FRRS1: variants seen among roughly 807,000 people sequenced by gnomAD.
The protein encoded by FRRS1 is ferric reductase 1.
A neutral mutation model predicts 70.7 loss-of-function variants in FRRS1; 51 were observed. The ratio of observed to expected loss-of-function variants is 0.72; its 90% CI spans 0.58 to 0.91. The LOEUF is 0.91. Among genes scored for constraint, FRRS1 ranks in the 40% least tolerant of loss-of-function variants. The pLI is 0.00. For missense variants in FRRS1, 672 were observed against 726.0 expected, an observed-to-expected ratio of 0.93 and a Z score of 0.86; for synonymous variants, 225 against 238.7, an observed-to-expected ratio of 0.94 and a Z score of 0.53.
chr1:99,754,123 A>G (rs1656710071), intron 1 of FRRS1, among the ~76,000 whole-genome samples: 1 of 152,230 alleles, frequency 6.6e-6, no homozygotes, highest in South Asian at 2.1e-4. Flanking sequence ...TAAGTGAGGC[A>G]AAAACTATTA....
chr1:99,719,070 CAA>C (rs57652002), intron 10 of FRRS1, among the ~76,000 whole-genome samples: 55,720 of 147,366 alleles, frequency 0.38, 10,861 homozygotes, highest in South Asian at 0.5. Context: ...ACAGCTGTGT[CAA>C]AAAAAAAAAA....
At chr1:99,719,749 G>A in intron 9 of FRRS1, 102 bp from the exon 10 acceptor site, 1 of 636,466 alleles carries the variant, frequency 1.6e-6, no homozygotes, top group South Asian at 1.9e-5. Context: ...AATTTCTTAA[G>A]GTAATAAAAA....
Position 99,742,255 on chromosome 1 carries a change from T to C in FRRS1, c.352A>G (p.Arg118Gly). Residue 118 changes from arginine to glycine, a missense_variant, in exon 5 of 17, where the codon AGA (arginine) becomes GGA (glycine). Coordinates refer to ENST00000646001, the MANE Select transcript of FRRS1 (RefSeq NM_001361041.2). The part of the protein sequence containing the change: ...EDIQGSAVSH[R>G]SASKKTEIKV... ...ATTTCTGTTTTTTTAGATGCACTTC[T>C]GTGACTCACTGCTGATCCCTGAAAT... The C allele has an allele frequency of 6.2e-7, 1 of 1,606,362 alleles. No homozygotes were observed. Among genetic ancestry groups the C allele is most frequent in the Non-Finnish European group, 8.5e-7 (1 of 1,172,952 alleles).
At chr1:99,735,406 G>T (rs904566007) in intron 7 of FRRS1, among the ~76,000 whole-genome samples, 1 of 152,054 alleles carries the variant, frequency 6.6e-6, no homozygotes, top group Non-Finnish European at 1.5e-5. Context: ...ATTGAAAAAG[G>T]GGTATAATTT....
At chr1:99,745,963 AAAGGCCATGAGGCCTCCCT>A (rs1276025716) in intron 4 of FRRS1, among the ~76,000 whole-genome samples, 1 of 150,958 alleles carries the variant, frequency 6.6e-6, no homozygotes, top group African/African-American at 2.5e-5. Context: ...GCCATGAGTA[AAAGGCCATGAGGCCTCCCT>A]AAGGCCTCCC....
chr1:99,747,080 T>C (rs1656311190), intron 4 of FRRS1, among the ~76,000 whole-genome samples: 1 of 147,302 alleles, frequency 6.8e-6, no homozygotes, highest in Non-Finnish European at 1.5e-5. Context: ...TTGTCTAGCT[T>C]ACTTTATTGT....
chr1:99,742,251 CT>C lies in FRRS1; in HGVS notation c.355del (p.Ser119ValfsTer25). The C allele has an allele frequency of 1.2e-6, 2 of 1,608,952 alleles. No homozygotes were observed. Among genetic ancestry groups the C allele is most frequent in the Non-Finnish European group, 8.5e-7 (1 of 1,175,370 alleles). Reference protein sequence around the residue: ...DIQGSAVSHRSASKKTEIKVY... With the variant: ...DIQGSAVSHRXASKKTEIKVY... ...TTTAATTTCTGTTTTTTTAGATGCA[CT>C]TCTGTGACTCACTGCTGATCCCTGA... On this transcript the variant is annotated frameshift_variant, in exon 5 of 17. Transcript: ENST00000646001. LOFTEE classifies it high-confidence loss of function.
rs528023929 is a variant in FRRS1 at position 99,763,279 on chromosome 1, A to T, written c.-106+3328T>A. ...ATTTTTCCCCTAAATGGGACCCCCT[A>T]TTTTTATATGGACAGGAATTTGGTT... On this transcript the variant is annotated intron_variant, in intron 1 of 16. Transcript: ENST00000646001. Among the ~76,000 whole-genome samples, 1,117 of 152,046 alleles carry T rather than the reference A, an allele frequency of 7.3e-3. 20 individuals are homozygous for T. Among genetic ancestry groups the T allele is most frequent in the African/African-American group, 0.026 (1,060 of 41,464 alleles).
chr1:99,752,941 G>A (rs1201673459), intron 1 of FRRS1, among the ~76,000 whole-genome samples: 1 of 151,970 alleles, frequency 6.6e-6, no homozygotes, highest in African/African-American at 2.4e-5. Context: ...TGGGCTCAAG[G>A]GAACCTCAAC....
intron 14 of FRRS1, chr1:99,711,305 G>T: frequency 1.5e-5 from 3 of 197,618 alleles, no homozygotes; most frequent in African/African-American, 2.3e-5. Flanking sequence ...GAGTCCCCAG[G>T]GTCTATTGTT....
chr1:99,733,739 A>G (rs1328392647), intron 7 of FRRS1, among the ~76,000 whole-genome samples: 1 of 152,270 alleles, frequency 6.6e-6, no homozygotes, highest in Non-Finnish European at 1.5e-5. Flanking sequence ...GTAAGTTAGA[A>G]GATCACCATT....
chr1:99,708,460 T>C lies in FRRS1; in HGVS notation c.*568A>G, dbSNP rs1335158608. On this transcript the variant is annotated 3_prime_UTR_variant, in exon 17 of 17. Transcript: ENST00000646001. The stretch of plus-strand genomic sequence containing the variant: ...AAATATAAAAAAAATTAGCCCGGCA[T>C]GGTGGCGGGCACCTGTAGTCCCAGC... 2.7e-5 allele frequency among the ~76,000 whole-genome samples: 4 copies of C among 150,684 alleles called. No homozygotes were observed. Among genetic ancestry groups the C allele is most frequent in the African/African-American group, 4.9e-5 (2 of 41,108 alleles).
chr1:99,728,535 T>C lies in FRRS1; in HGVS notation c.964A>G (p.Thr322Ala). The change falls in exon 9 of 17, where the codon ACA becomes GCA. Residue 322 changes from threonine (T) to alanine (A), a missense_variant. By Grantham distance (58) the Thr-to-Ala change is moderately conservative (BLOSUM62 0). Transcript: ENST00000646001. The part of the protein sequence containing the change: ...PGVKNRFDLN[T>A]SYYIFLADGA... ...TCTGCTAGAAATATGTAATAGCTTG[T>C]GTTTAGATCAAATCTATTCTTAACT... 1 of 1,612,222 alleles carries C rather than the reference T, an allele frequency of 6.2e-7. No individual in the cohort carries two copies. The highest frequency in any genetic ancestry group is 8.5e-7 in the Non-Finnish European group (1 of 1,178,260).
intron 1 of FRRS1, among the ~76,000 whole-genome samples, chr1:99,762,410 G>A (rs190030489): frequency 9.9e-5 from 15 of 151,102 alleles, no homozygotes; most frequent in East Asian, 5.8e-4. Context: ...CCTCTTTTAC[G>A]TCTCTTTCAT....
At position 99,728,638 on chromosome 1, in the gene FRRS1, A is replaced by G. The variant is rs1299185316; in HGVS notation, c.861T>C (p.Asp287=). The G allele has an allele frequency of 2.5e-6, 4 of 1,612,630 alleles. No individual in the cohort carries two copies. The highest frequency in any genetic ancestry group is 1.7e-5 in the Admixed American group (1 of 59,844). The change falls in exon 9 of 17, where the codon GAT becomes GAC. Residue 287 remains aspartate (D), a splice_region_variant and synonymous_variant. Transcript: ENST00000646001. ...ACCTCCAAGCCATATCCTCAAGGGT[A>G]TCCTACAAACACACACAATGGGTCT... ...GRSHPVMDSR[D]TLEDMAWRLA...
chr1:99,754,379 T>C (rs1270525448), intron 1 of FRRS1, among the ~76,000 whole-genome samples: 3 of 151,976 alleles, frequency 2.0e-5, no homozygotes, highest in Non-Finnish European at 4.4e-5. Flanking sequence ...CTCAAGAGGC[T>C]TAGGAGGGAG....
At chr1:99,747,473 T>TA in intron 3 of FRRS1, 43 bp from the exon 4 acceptor site, 1 of 1,570,698 alleles carries the variant, frequency 6.4e-7, no homozygotes, top group Admixed American at 1.9e-5. Flanking sequence ...CTTAGTAATA[T>TA]CAAAAAAAAA....
At chr1:99,753,454 C>T (rs6577135) in intron 1 of FRRS1, among the ~76,000 whole-genome samples, 74,965 of 151,550 alleles carry the variant, frequency 0.49, 22,549 homozygotes, top group African/African-American at 0.85. Context: ...CAAAGCACAA[C>T]AAAGTGAAGT....
Position 99,719,608 on chromosome 1 carries a change from T to A in FRRS1, c.1046A>T (p.Tyr349Phe), listed in dbSNP as rs774039436. The A allele has an allele frequency of 1.9e-6, 3 of 1,611,406 alleles. No homozygotes were observed. The highest frequency in any genetic ancestry group is 3.3e-5 in the Admixed American group (2 of 59,918). The change falls in exon 10 of 17, where the codon TAT (tyrosine) becomes TTT (phenylalanine). Residue 349 changes from tyrosine (Y) to phenylalanine (F), a missense_variant. Coordinates refer to ENST00000646001, the MANE Select transcript of FRRS1 (RefSeq NM_001361041.2). ...AGAGTCTGTCACATCATATTTTTCA[T>A]AGGTAATCAAAGGTTGCTGAGAGTG... ...YKHSQQPLIT[Y>F]EKYDVTDSPK...
Sources: allele counts gnomAD v4.1 joint callset (sites outside exome capture counted in the v4.1 genomes callset), GRCh38; gene constraint gnomAD v4.1.1; transcripts MANE v1.5; gene names NCBI Gene and HGNC (gene_info 2026-07-23, HGNC 2026-07-21).